The following ANKS1B variants were observed in gnomAD, a reference collection of about 807,000 sequenced individuals.
The protein encoded by ANKS1B is ankyrin repeat and sterile alpha motif domain containing 1B, also known as ankyrin repeat and sterile alpha motif domain-containing protein 1B.
Under a neutral mutation model 148.3 loss-of-function variants are expected in ANKS1B, and 36 were observed. That is an observed-to-expected ratio of 0.24 (90% CI 0.19 to 0.32). The LOEUF (loss-of-function observed/expected upper bound fraction) is 0.32, where lower values mean the gene tolerates loss of function less well. Among genes scored for constraint, ANKS1B ranks in the 10% least tolerant of loss-of-function variants. ANKS1B has a pLI of 1.00. For missense variants in ANKS1B, 1,157 were observed against 1,542.6 expected (o/e 0.75, Z 4.19); for synonymous variants, 542 against 560.8 (o/e 0.97, Z 0.47).
At chr12:99,649,926 C>T (rs1229578509) in intron 9 of ANKS1B, 1 of 154,716 alleles carries the variant, frequency 6.5e-6, no homozygotes, top group Non-Finnish European at 1.4e-5. Context: ...CTCTACCTAG[C>T]TGGATTGACT....
chr12:99,867,837 T>G (rs2090960919), intron 1 of ANKS1B, among the ~76,000 whole-genome samples: 1 of 152,178 alleles, frequency 6.6e-6, no homozygotes, highest in Non-Finnish European at 1.5e-5. Flanking sequence ...ATAGTATTAA[T>G]ATCGCAGCCT....
chr12:99,662,839 G>T (rs886806327), intron 8 of ANKS1B, among the ~76,000 whole-genome samples: 2 of 151,862 alleles, frequency 1.3e-5, no homozygotes, highest in Non-Finnish European at 2.9e-5. Context: ...TGGGTAGAAG[G>T]GTGCTTTTCA....
intron 15 of ANKS1B, among the ~76,000 whole-genome samples, chr12:99,129,139 G>C (rs537091568): frequency 2.0e-5 from 3 of 152,260 alleles, no homozygotes; most frequent in African/African-American, 7.2e-5. Flanking sequence ...TTCAGCAATG[G>C]CAGAGCATAA....
At chr12:98,939,620 A>G (rs1036734281) in intron 17 of ANKS1B, among the ~76,000 whole-genome samples, 2 of 152,212 alleles carry the variant, frequency 1.3e-5, no homozygotes, top group South Asian at 4.1e-4. Flanking sequence ...TAGAAAGTAC[A>G]AACTGCACTT....
At chr12:99,366,426 A>G (rs1294606168) in intron 12 of ANKS1B, among the ~76,000 whole-genome samples, 4 of 152,120 alleles carry the variant, frequency 2.6e-5, no homozygotes, top group Non-Finnish European at 5.9e-5. Context: ...TCATCTGTGT[A>G]ACTAACTCTC....
In ANKS1B at chr12:99,697,218, C is replaced by T. The variant is rs149926246; in HGVS notation, c.1129-42008G>A. On this transcript the variant is annotated intron_variant, in intron 8 of 26. Coordinates refer to ENST00000683438, the MANE Select transcript of ANKS1B (RefSeq NM_001352186.2). ...ATCCTACCATGTGGTCTAGTCATCA[C>T]ACTGGATTTATTTCATTTGAGAATT... is the stretch of plus-strand genomic sequence containing the variant. Among the ~76,000 whole-genome samples, 565 of 152,272 alleles carry T rather than the reference C, an allele frequency of 3.7e-3. 2 individuals carry two copies. Among genetic ancestry groups the T allele is most frequent in the African/African-American group, 0.013 (521 of 41,560 alleles).
chr12:99,468,690 T>C (rs560132857), intron 10 of ANKS1B, among the ~76,000 whole-genome samples: 152 of 152,114 alleles, frequency 1.0e-3, no homozygotes, highest in African/African-American at 2.4e-3. Flanking sequence ...CATGAAAAAA[T>C]GCTCATCATC....
chr12:99,319,848 T>C (rs980401717), intron 12 of ANKS1B, among the ~76,000 whole-genome samples: 1 of 152,198 alleles, frequency 6.6e-6, no homozygotes, highest in Non-Finnish European at 1.5e-5. Flanking sequence ...CCTTTCCATG[T>C]TTAGTGCTTC....
intron 12 of ANKS1B, among the ~76,000 whole-genome samples, chr12:99,399,420 A>G (rs574091476): frequency 1.3e-5 from 2 of 152,232 alleles, no homozygotes; most frequent in East Asian, 3.9e-4. Context: ...TTAAATCATC[A>G]TCTTTAATAT....
rs71305587 is a variant in ANKS1B, at chr12:98,745,375, C to CTTT, written c.*361_*363dup. The CTTT allele has an allele frequency of 0.1, 87,946 of 873,446 alleles. 987 individuals are homozygous for CTTT. The highest frequency in any genetic ancestry group is 0.11 in the Non-Finnish European group (80,198 of 754,906). 54.1% of individuals were successfully genotyped at this position (873,446 alleles called of 1,614,324 possible). A position where few individuals can be genotyped will look rare whatever the true frequency, so the allele number is the denominator to read the frequency against. ...TAGGCAGTATTAGAGATCCCCTTTA[C>CTTT]TTTTTTTTTTTTTTTTTTTTTTTTA... On this transcript the variant is annotated 3_prime_UTR_variant, in exon 27 of 27. Coordinates refer to ENST00000683438, the MANE Select transcript of ANKS1B (RefSeq NM_001352186.2).
At chr12:98,817,278 C>T (rs1160511390) in intron 19 of ANKS1B, among the ~76,000 whole-genome samples, 1 of 152,234 alleles carries the variant, frequency 6.6e-6, no homozygotes, top group Non-Finnish European at 1.5e-5. Context: ...AGCCAGCAAA[C>T]TCAGTGGCTC....
chr12:99,522,611 T>C (rs1275946997), intron 9 of ANKS1B, among the ~76,000 whole-genome samples: 1 of 152,202 alleles, frequency 6.6e-6, no homozygotes. Flanking sequence ...CAGTAAAAGG[T>C]TCTATGCTTC....
At chr12:99,131,119 G>A (rs963137095) in intron 15 of ANKS1B, among the ~76,000 whole-genome samples, 29 of 152,248 alleles carry the variant, frequency 1.9e-4, no homozygotes, top group African/African-American at 6.0e-4. Flanking sequence ...GTGGCTGTTT[G>A]TTGCCTACTC....
intron 16 of ANKS1B, among the ~76,000 whole-genome samples, chr12:99,078,366 A>T: frequency 6.6e-6 from 1 of 152,188 alleles, no homozygotes; most frequent in East Asian, 1.9e-4. Context: ...ATTTTAAGAA[A>T]CTGTGCTGTT....
intron 17 of ANKS1B, among the ~76,000 whole-genome samples, chr12:98,890,777 GAA>G (rs2099750987): frequency 6.6e-6 from 1 of 152,172 alleles, no homozygotes; most frequent in Non-Finnish European, 1.5e-5. Flanking sequence ...CTCTTGCCAA[GAA>G]AAGAGTGTTG....
chr12:99,876,552 G>T (rs1000806409), intron 1 of ANKS1B, among the ~76,000 whole-genome samples: 2 of 151,892 alleles, frequency 1.3e-5, no homozygotes, highest in Non-Finnish European at 2.9e-5. Context: ...GTGAAATCTC[G>T]TCTCTACTAA....
chr12:99,425,746 T>C lies in ANKS1B; in HGVS notation c.1575+17927A>G, dbSNP rs528743026. Among the ~76,000 whole-genome samples the C allele has an allele frequency of 3.1e-3, 472 of 152,098 alleles. 7 individuals are homozygous for C. The highest frequency in any genetic ancestry group is 0.01 in the Middle Eastern group (3 of 294). On this transcript the variant is annotated intron_variant, in intron 11 of 26. Coordinates refer to ENST00000683438, the MANE Select transcript of ANKS1B (RefSeq NM_001352186.2). The stretch of plus-strand genomic sequence containing the variant: ...TCTTAAATTGGGTATTTATATTGTT[T>C]GTCCATTTTCCTCTGTGGATGTGTT...
At chr12:99,915,316 A>C (rs1289434075) in intron 1 of ANKS1B, among the ~76,000 whole-genome samples, 1 of 151,994 alleles carries the variant, frequency 6.6e-6, no homozygotes, top group Non-Finnish European at 1.5e-5. Context: ...TCACCGAAAA[A>C]GTCAGCTGAG....
At position 99,859,049 on chromosome 12, in the gene ANKS1B, C is replaced by G. The variant is rs190368849; in HGVS notation, c.135-33660G>C. Among the ~76,000 whole-genome samples the G allele has an allele frequency of 2.5e-3, 387 of 152,248 alleles. 2 individuals are homozygous for G. The highest frequency in any genetic ancestry group is 8.6e-3 in the African/African-American group (356 of 41,528). On this transcript the variant is annotated intron_variant, in intron 1 of 26. Coordinates refer to ENST00000683438, the MANE Select transcript of ANKS1B (RefSeq NM_001352186.2). ...CAGAACCAGTAAAAGTACTATAATT[C>G]TCTTGTGAGGATTGAAGCTTAATAA... is the stretch of plus-strand genomic sequence containing the variant.
Sources: gnomAD v4.1 joint callset for allele counts (sites outside exome capture counted in the v4.1 genomes callset) on GRCh38, gnomAD v4.1.1 for gene constraint, MANE v1.5 for transcripts, NCBI Gene and HGNC (gene_info 2026-07-23, HGNC 2026-07-21) for gene names.